The following GATAD2B variants were observed in gnomAD, a reference collection of about 807,000 sequenced individuals.
The protein encoded by GATAD2B is GATA zinc finger domain containing 2B, also known as transcriptional repressor p66-beta.
A neutral mutation model predicts 64.3 loss-of-function variants in GATAD2B; 8 were observed. The observed-to-expected ratio is 0.12, with a 90% CI of 0.07 to 0.22. The LOEUF is 0.22. Among genes scored for constraint, GATAD2B ranks in the 10% least tolerant of loss-of-function variants. The pLI, the probability that GATAD2B is intolerant of heterozygous loss-of-function variation, is 1.00. For missense variants in GATAD2B, 453 were observed against 752.0 expected (o/e 0.60, Z 4.65); for synonymous variants, 281 against 271.3 (o/e 1.04, Z -0.35).
Position 153,815,293 on chromosome 1 carries a change from C to CAAAAAAAAAAAAAAA in GATAD2B, c.1216+979_1216+980insTTTTTTTTTTTTTTT, listed in dbSNP as rs71093285. 2.7e-3 allele frequency among the ~76,000 whole-genome samples: 301 copies of CAAAAAAAAAAAAAAA among 111,746 alleles called. 1 individual carries two copies. Among genetic ancestry groups the CAAAAAAAAAAAAAAA allele is most frequent in the Non-Finnish European group, 3.3e-3 (182 of 55,880 alleles). 73.3% of individuals were successfully genotyped at this position (111,746 alleles called of 152,430 possible). A position where few individuals can be genotyped will look rare whatever the true frequency, so the allele number is the denominator to read the frequency against. On this transcript the variant is annotated intron_variant, in intron 7 of 10. Transcript: ENST00000368655. ...GTCTCAAAAAAACAAAAAAAAAAAA[C>CAAAAAAAAAAAAAAA]AAAAAAAAAAAAAAGAAAAGAGAAG...
At chr1:153,812,190 C>CCT in intron 8 of GATAD2B, 58 bp from the exon 9 acceptor site, 2 of 610,910 alleles carry the variant, frequency 3.3e-6, no homozygotes, top group South Asian at 4.2e-5. Context: ...ACCCAATTTC[C>CCT]TTTTTTTTTT....
intron 1 of GATAD2B, among the ~76,000 whole-genome samples, chr1:153,838,458 G>A (rs1675352403): frequency 2.6e-5 from 4 of 151,924 alleles, no homozygotes; most frequent in African/African-American, 9.7e-5. Flanking sequence ...CCAGGCTGGA[G>A]TGCAATGGCA....
intron 1 of GATAD2B, among the ~76,000 whole-genome samples, chr1:153,907,709 G>T (rs1677991872): frequency 6.6e-6 from 1 of 151,368 alleles, no homozygotes; most frequent in South Asian, 2.1e-4. Flanking sequence ...CGTGAGCTCG[G>T]CTCACTGCAA....
At chr1:153,881,914 C>T (rs1193421570) in intron 1 of GATAD2B, among the ~76,000 whole-genome samples, 1 of 152,008 alleles carries the variant, frequency 6.6e-6, no homozygotes, top group African/African-American at 2.4e-5. Context: ...CGTGCCAGCC[C>T]CCTTGAGAGC....
Position 153,916,277 on chromosome 1 carries a change from GAAAAAAA to G in GATAD2B, c.-2+6449_-2+6455del, listed in dbSNP as rs200305010. On this transcript the variant is annotated intron_variant, in intron 1 of 10. Coordinates refer to ENST00000368655, the MANE Select transcript of GATAD2B (RefSeq NM_020699.4). Reference sequence around the variant, plus strand: ...GTGACAGAGTGAGACTCCACCTCAAGAAAAAAAAAAAAAAAAGAAAAAGAGAGTAAGA... The same window carrying G: ...GTGACAGAGTGAGACTCCACCTCAAGAAAAAAAAAGAAAAAGAGAGTAAGA... Among the ~76,000 whole-genome samples the G allele has an allele frequency of 1.7e-3, 161 of 92,604 alleles. 2 individuals carry two copies. The highest frequency in any genetic ancestry group is 3.1e-3 in the South Asian group (10 of 3,266). 60.8% of individuals were successfully genotyped at this position (92,604 alleles called of 152,430 possible).
chr1:153,905,498 C>T (rs1364492310), intron 1 of GATAD2B, among the ~76,000 whole-genome samples: 1 of 148,312 alleles, frequency 6.7e-6, no homozygotes, highest in Non-Finnish European at 1.5e-5. Context: ...AAGAAAAACC[C>T]ATCCTAAAAT....
At chr1:153,864,803 T>C (rs1676422902) in intron 1 of GATAD2B, among the ~76,000 whole-genome samples, 1 of 152,114 alleles carries the variant, frequency 6.6e-6, no homozygotes, top group Non-Finnish European at 1.5e-5. Flanking sequence ...GCACAGTGGC[T>C]CATGCCTGTA....
Position 153,901,853 on chromosome 1 carries a change from AAATT to A in GATAD2B, c.-2+20876_-2+20879del, listed in dbSNP as rs1311988107. Among the ~76,000 whole-genome samples the A allele has an allele frequency of 3.6e-3, 536 of 148,818 alleles. 3 individuals are homozygous for A. Among genetic ancestry groups the A allele is most frequent in the Middle Eastern group, 6.9e-3 (2 of 288 alleles). ...TAAATAAATAAATAAATAAATAAATAAATTAAATAAAATGGCCCTGGTGTCTACA... is the reference window on the plus strand; with the variant it reads ...TAAATAAATAAATAAATAAATAAATAAAATAAAATGGCCCTGGTGTCTACA... On this transcript the variant is annotated intron_variant, in intron 1 of 10. Coordinates refer to ENST00000368655, the MANE Select transcript of GATAD2B (RefSeq NM_020699.4).
chr1:153,853,238 G>C, intron 1 of GATAD2B: 2 of 1,080,270 alleles, frequency 1.9e-6, no homozygotes, highest in South Asian at 1.3e-5. Flanking sequence ...CATGGCCACC[G>C]AGGTGATGGT....
Position 153,807,253 on chromosome 1 carries a change from T to G in GATAD2B, c.*2924A>C, listed in dbSNP as rs1200465322. On this transcript the variant is annotated 3_prime_UTR_variant, in exon 11 of 11. Transcript: ENST00000368655. ...AACAGAGGGTCTTTCCTCCTGTCCT[T>G]AGGGCATGAGGTTTAGTGTCTACAC... 1.3e-5 allele frequency: 2 copies of G among 152,030 alleles called. No homozygotes were observed. The highest frequency in any genetic ancestry group is 1.3e-4 in the Admixed American group (2 of 15,276). 9.4% of individuals were successfully genotyped at this position (152,030 alleles called of 1,614,324 possible).
intron 1 of GATAD2B, chr1:153,898,972 TG>T (rs1210836258): frequency 4.6e-5 from 7 of 152,222 alleles, no homozygotes; most frequent in African/African-American, 1.7e-4. Flanking sequence ...TCCTTACTCC[TG>T]AAGTTGCCCC....
rs1259336652 is a variant in GATAD2B, at chr1:153,808,196, G to T, written c.*1981C>A. On this transcript the variant is annotated 3_prime_UTR_variant, in exon 11 of 11. Coordinates refer to ENST00000368655, the MANE Select transcript of GATAD2B (RefSeq NM_020699.4). ...AAAACCCAATCACTACCTGTTACTA[G>T]CATCTAGCTTCCAGATCATTTCACC... 1 of 152,494 alleles carries T rather than the reference G, an allele frequency of 6.6e-6. No individual in the cohort carries two copies. The highest frequency in any genetic ancestry group is 2.4e-5 in the African/African-American group (1 of 41,396). 9.4% of individuals were successfully genotyped at this position (152,494 alleles called of 1,614,324 possible).
At chr1:153,921,196 T>C (rs1678419212) in intron 1 of GATAD2B, among the ~76,000 whole-genome samples, 1 of 152,074 alleles carries the variant, frequency 6.6e-6, no homozygotes, top group Admixed American at 6.5e-5. Flanking sequence ...GCAATAAAGT[T>C]AGCACTAAAC....
chr1:153,910,641 G>A lies in GATAD2B; in HGVS notation c.-2+12092C>T, dbSNP rs1286888322. Among the ~76,000 whole-genome samples, 7 of 152,106 alleles carry A rather than the reference G, an allele frequency of 4.6e-5. No homozygotes were observed. In the East Asian group the frequency reaches 1.3e-3, roughly 29 times the overall value. On this transcript the variant is annotated intron_variant, in intron 1 of 10. Transcript: ENST00000368655. ...TGTAATTCCAGCTACTCAGGAGGCTGAGGCAGAAGAATCACTTGAACCCAG... is the reference window on the plus strand; with the variant it reads ...TGTAATTCCAGCTACTCAGGAGGCTAAGGCAGAAGAATCACTTGAACCCAG...
intron 1 of GATAD2B, among the ~76,000 whole-genome samples, chr1:153,879,371 G>T (rs114117129): frequency 6.6e-6 from 1 of 151,966 alleles, no homozygotes; most frequent in Non-Finnish European, 1.5e-5. Flanking sequence ...CACCGCTCTC[G>T]GCCCCATACT....
chr1:153,862,765 C>G (rs1158104822), intron 1 of GATAD2B, among the ~76,000 whole-genome samples: 1 of 138,940 alleles, frequency 7.2e-6, no homozygotes, highest in Non-Finnish European at 1.5e-5. Context: ...GCTCTTGTTG[C>G]CCAGGCTGGA....
At chr1:153,874,047 C>T (rs1306393051) in intron 1 of GATAD2B, among the ~76,000 whole-genome samples, 3 of 152,016 alleles carry the variant, frequency 2.0e-5, no homozygotes, top group Non-Finnish European at 2.9e-5. Flanking sequence ...ATCATGAGGT[C>T]AAGAGATCGT....
At chr1:153,864,281 G>A (rs1557811511) in intron 1 of GATAD2B, among the ~76,000 whole-genome samples, 2 of 152,180 alleles carry the variant, frequency 1.3e-5, no homozygotes, top group Non-Finnish European at 2.9e-5. Flanking sequence ...ACAGGAGAAG[G>A]ATTAACATCT....
chr1:153,890,417 G>C (rs543895446), intron 1 of GATAD2B, among the ~76,000 whole-genome samples: 1 of 151,430 alleles, frequency 6.6e-6, no homozygotes, highest in African/African-American at 2.4e-5. Flanking sequence ...AAACCCAGGA[G>C]GCAGAGGTTG....
Sources: allele counts gnomAD v4.1 joint callset (sites outside exome capture counted in the v4.1 genomes callset), GRCh38; gene constraint gnomAD v4.1.1; transcripts MANE v1.5; gene names NCBI Gene and HGNC (gene_info 2026-07-23, HGNC 2026-07-21).